Variants in CAMTA1 observed in about 807,000 individuals in gnomAD.
The protein encoded by CAMTA1 is calmodulin-binding transcription activator 1.
CAMTA1 carries 27 observed loss-of-function variants against 170.9 expected under a neutral mutation model. The observed-to-expected ratio is 0.16, with a 90% CI of 0.12 to 0.22. CAMTA1 has a LOEUF of 0.22. Ranked by LOEUF, CAMTA1 falls within the 10% of genes least tolerant of loss-of-function variation. The pLI, the probability that CAMTA1 is intolerant of heterozygous loss-of-function variation, is 1.00. For missense variants in CAMTA1, 1,619 were observed against 2,217.2 expected (o/e 0.73, Z 5.42); for synonymous variants, 833 against 891.5 (o/e 0.93, Z 1.17).
At chr1:7,160,818 T>C (rs1020014564) in intron 4 of CAMTA1, among the ~76,000 whole-genome samples, 2 of 152,192 alleles carry the variant, frequency 1.3e-5, no homozygotes, top group Non-Finnish European at 2.9e-5. Context: ...CTCTCTCCCC[T>C]GACATGCGTT....
chr1:7,622,131 G>C (rs560674031), intron 6 of CAMTA1, among the ~76,000 whole-genome samples: 1 of 152,320 alleles, frequency 6.6e-6, no homozygotes, highest in East Asian at 1.9e-4. Flanking sequence ...GGTTTTGCTC[G>C]TTAACTCATT....
At chr1:7,492,708 G>GT (rs2093730771) in intron 6 of CAMTA1, among the ~76,000 whole-genome samples, 6 of 88,056 alleles carry the variant, frequency 6.8e-5, no homozygotes, top group African/African-American at 2.0e-4. Context: ...CACACACGCA[G>GT]GCACACACAC....
At chr1:7,764,972 A>T (rs1407353769) in intron 22 of CAMTA1, among the ~76,000 whole-genome samples, 2 of 152,104 alleles carry the variant, frequency 1.3e-5, no homozygotes, top group African/African-American at 2.4e-5. Context: ...AAAAAAAAAA[A>T]AGTTTTACTT....
At position 7,333,656 on chromosome 1, in the gene CAMTA1, A is replaced by G. The variant is rs1203369427; in HGVS notation, c.438+84030A>G. ...CAGCTTCTAGGGAGGCTGGGGTTAC[A>G]GCCTCCGCCATGTTGCAGATTCTCC... On this transcript the variant is annotated intron_variant, in intron 5 of 22. Transcript: ENST00000303635. The surrounding 1 kb of genome is among the most constrained non-coding windows in gnomAD (Gnocchi z 4.4). 6.6e-6 allele frequency among the ~76,000 whole-genome samples: 1 copy of G among 152,206 alleles called. No homozygotes were observed. Among genetic ancestry groups the G allele is most frequent in the East Asian group, 1.9e-4 (1 of 5,202 alleles).
intron 20 of CAMTA1, among the ~76,000 whole-genome samples, chr1:7,751,625 A>G (rs2096898031): frequency 6.6e-6 from 1 of 151,646 alleles, no homozygotes; most frequent in South Asian, 2.1e-4. Context: ...TGATATTGCC[A>G]CCCAATTTTA....
intron 3 of CAMTA1, among the ~76,000 whole-genome samples, chr1:6,846,543 A>T (rs1450198599): frequency 6.6e-6 from 1 of 152,260 alleles, no homozygotes; most frequent in Non-Finnish European, 1.5e-5. Context: ...TATCATTTAT[A>T]TGCAAAAACT....
intron 6 of CAMTA1, among the ~76,000 whole-genome samples, chr1:7,506,314 A>G (rs12059554): frequency 0.97 from 147,731 of 152,236 alleles, 71,716 homozygotes; most frequent in East Asian, 1. Context: ...AAGTGAGCCC[A>G]GCCCAGCCCT....
chr1:6,832,752 T>C (rs749432685), intron 3 of CAMTA1, among the ~76,000 whole-genome samples: 7 of 152,212 alleles, frequency 4.6e-5, no homozygotes, highest in Non-Finnish European at 7.3e-5. Context: ...CAGATTATTT[T>C]GTTCCAGGCA....
chr1:7,009,450 C>A (rs2100753349), intron 3 of CAMTA1, among the ~76,000 whole-genome samples: 1 of 152,330 alleles, frequency 6.6e-6, no homozygotes, highest in East Asian at 1.9e-4. Context: ...CTGGGCCTCT[C>A]TGTGCTGCAG....
chr1:7,033,569 G>A (rs1703099239), intron 3 of CAMTA1, among the ~76,000 whole-genome samples: 1 of 125,360 alleles, frequency 8.0e-6, no homozygotes, highest in Non-Finnish European at 1.7e-5. Context: ...CTGTGTACAT[G>A]TTTATTCTTG....
chr1:7,201,843 T>C (rs1656761021), intron 4 of CAMTA1, among the ~76,000 whole-genome samples: 1 of 82,004 alleles, frequency 1.2e-5, no homozygotes, highest in South Asian at 3.6e-4. Context: ...TTCCACAGTT[T>C]CAATTTTTTT....
At chr1:7,089,511 T>G (rs1283176113) in intron 3 of CAMTA1, among the ~76,000 whole-genome samples, 1 of 152,010 alleles carries the variant, frequency 6.6e-6, no homozygotes, top group African/African-American at 2.4e-5. Context: ...TATTTACTTC[T>G]GCCATGCACG....
At chr1:7,645,338 G>A (rs1157819675) in intron 7 of CAMTA1, among the ~76,000 whole-genome samples, 1 of 152,206 alleles carries the variant, frequency 6.6e-6, no homozygotes, top group African/African-American at 2.4e-5. Flanking sequence ...CCGTTTCCTC[G>A]GAGAAGATCC....
intron 5 of CAMTA1, among the ~76,000 whole-genome samples, chr1:7,274,388 G>T (rs904349642): frequency 1.3e-5 from 2 of 152,146 alleles, no homozygotes; most frequent in African/African-American, 4.8e-5. Context: ...TGATAAGAGG[G>T]TCAGTCCGTT....
intron 16 of CAMTA1, among the ~76,000 whole-genome samples, chr1:7,742,475 G>A (rs2096826068): frequency 6.6e-6 from 1 of 152,070 alleles, no homozygotes. Flanking sequence ...GGTGTCCAAG[G>A]CATGTTTATG....
chr1:7,637,809 C>T (rs374252875), intron 6 of CAMTA1, among the ~76,000 whole-genome samples: 1 of 152,230 alleles, frequency 6.6e-6, no homozygotes, highest in East Asian at 1.9e-4. Context: ...CTGCCCAGCC[C>T]GCCTCCTTGG....
intron 3 of CAMTA1, among the ~76,000 whole-genome samples, chr1:6,846,783 G>A (rs2148755690): frequency 6.6e-6 from 1 of 152,320 alleles, no homozygotes; most frequent in South Asian, 2.1e-4. Flanking sequence ...GGATTCAGAG[G>A]AGCTTGGCTA....
At chr1:7,745,489 G>A (rs1409514638) in intron 17 of CAMTA1, among the ~76,000 whole-genome samples, 1 of 152,056 alleles carries the variant, frequency 6.6e-6, no homozygotes, top group Non-Finnish European at 1.5e-5. Context: ...TTGCACCACT[G>A]CACCCCAGTC....
At chr1:7,012,783 T>G (rs1168167330) in intron 3 of CAMTA1, among the ~76,000 whole-genome samples, 1 of 152,208 alleles carries the variant, frequency 6.6e-6, no homozygotes, top group Non-Finnish European at 1.5e-5. Context: ...GGCTCTGTCC[T>G]TGGATTCCCT....
Sources: allele counts gnomAD v4.1 joint callset (sites outside exome capture counted in the v4.1 genomes callset), GRCh38; gene constraint gnomAD v4.1.1; non-coding constraint Gnocchi (gnomAD v3.1); transcripts MANE v1.5; gene names NCBI Gene and HGNC (gene_info 2026-07-23, HGNC 2026-07-21).